The following PCTP variants were observed in gnomAD, a reference collection of about 807,000 sequenced individuals.
The protein encoded by PCTP is START domain-containing protein 2.
PCTP carries 27 observed loss-of-function variants against 31.0 expected under a neutral mutation model. That is an observed-to-expected ratio of 0.87 (90% CI 0.64 to 1.20). The LOEUF (loss-of-function observed/expected upper bound fraction) is 1.20, where lower values mean the gene tolerates loss of function less well. Ranked by LOEUF, PCTP falls within the 50% of genes most tolerant of loss-of-function variation. PCTP has a pLI of 0.00. For synonymous variants in PCTP, 108 were observed against 101.2 expected, an observed-to-expected ratio of 1.07 and a Z score of -0.40; for missense variants, 287 against 268.2, an observed-to-expected ratio of 1.07 and a Z score of -0.49.
chr17:55,850,796 CT>C, the PCTP span, among the ~76,000 whole-genome samples: 1 of 152,118 alleles, frequency 6.6e-6, no homozygotes, highest in Admixed American at 6.5e-5. Context: ...GGTAGAAAAG[CT>C]TTTAAAGATA....
At chr17:55,810,479 C>T (rs1336822422) in intron 3 of PCTP, among the ~76,000 whole-genome samples, 3 of 152,196 alleles carry the variant, frequency 2.0e-5, no homozygotes, top group Admixed American at 2.0e-4. Context: ...GGGTAGGGGG[C>T]TTGTCCCACT....
rs1376190012 is a variant in PCTP, at chr17:55,776,081, A to G, written c.626A>G (p.Asn209Ser). Residue 209 changes from asparagine to serine, a missense_variant, in exon 6 of 6, where the codon AAC becomes AGC. Transcript: ENST00000268896. ...AAAGACATGGCAAGAGCCTGTCAGA[A>G]CTACCTCAAGAAAACCTAAGAAAGA... ...FLKDMARACQNYLKKT is the reference protein window; with the variant it reads ...FLKDMARACQSYLKKT 2 of 1,614,004 alleles carry G rather than the reference A, an allele frequency of 1.2e-6. No homozygotes were observed. The highest frequency in any genetic ancestry group is 1.3e-5 in the African/African-American group (1 of 74,940).
chr17:55,845,419 C>A (rs1384708346), downstream of PCTP, among the ~76,000 whole-genome samples: 16 of 152,188 alleles, frequency 1.1e-4, no homozygotes, highest in Admixed American at 1.0e-3. Context: ...CATCCCCGTT[C>A]CCCGCGGGCT....
At chr17:55,784,618 G>A (rs1189317149) in intron 2 of PCTP, among the ~76,000 whole-genome samples, 2 of 152,128 alleles carry the variant, frequency 1.3e-5, no homozygotes, top group African/African-American at 4.8e-5. Context: ...TCATAATACA[G>A]GGAGCAGCTG....
chr17:55,821,418 T>TA (rs1321208527), intron 3 of PCTP, among the ~76,000 whole-genome samples: 2 of 152,194 alleles, frequency 1.3e-5, no homozygotes, highest in East Asian at 3.8e-4. Flanking sequence ...TTGGGGGTGA[T>TA]AAAATGTTCT....
chr17:55,839,727 C>T (rs1017996707), intron 5 of PCTP, among the ~76,000 whole-genome samples: 5 of 151,006 alleles, frequency 3.3e-5, no homozygotes, highest in East Asian at 3.9e-4. Context: ...GAGACCATCC[C>T]GGCTAAAACG....
At chr17:55,762,317 C>T (rs1910381891) in intron 1 of PCTP, among the ~76,000 whole-genome samples, 1 of 151,982 alleles carries the variant, frequency 6.6e-6, no homozygotes, top group Non-Finnish European at 1.5e-5. Flanking sequence ...ATTTATAAGA[C>T]AAAGAAAGGG....
At chr17:55,783,067 G>C (rs1222182275) in intron 2 of PCTP, among the ~76,000 whole-genome samples, 1 of 151,650 alleles carries the variant, frequency 6.6e-6, no homozygotes, top group Non-Finnish European at 1.5e-5. Flanking sequence ...CTGAAAGATA[G>C]GTCCAAAAAA....
chr17:55,759,220 T>C (rs1910211402), intron 1 of PCTP, among the ~76,000 whole-genome samples: 2 of 152,218 alleles, frequency 1.3e-5, no homozygotes, highest in South Asian at 4.1e-4. Context: ...GGTTTACTGA[T>C]GGTCCATACC....
intron 3 of PCTP, among the ~76,000 whole-genome samples, chr17:55,798,929 G>A (rs1000216279): frequency 6.6e-6 from 1 of 151,830 alleles, no homozygotes; most frequent in African/African-American, 2.4e-5. Flanking sequence ...ATAAAAGACA[G>A]CAAGGGTAAA....
In PCTP at chr17:55,793,191, C is replaced by T. The variant is rs566865577; in HGVS notation, c.317+5537C>T. Among the ~76,000 whole-genome samples, 13 of 152,174 alleles carry T rather than the reference C, an allele frequency of 8.5e-5. 1 individual carries two copies. The South Asian group carries it at 2.3e-3, about 27-fold the overall frequency. ...CTGAGTCTTAGACCCTTTTATCCTT[C>T]AGCATATGCTGAGTTTGAGTTGCTG... On this transcript the variant is annotated intron_variant, in intron 3 of 3. Coordinates refer to the PCTP transcript ENST00000572536.
In PCTP at chr17:55,751,181, C is replaced by T. The variant is rs1024802554; in HGVS notation, c.78C>T (p.Ala26=). 63 of 1,548,774 alleles carry T rather than the reference C, an allele frequency of 4.1e-5. 1 individual carries two copies. In the Middle Eastern group the frequency reaches 5.1e-4, roughly 12 times the overall value. ...ACAELQQPAL[A]GADWQLLVET... ...CCGAGCTCCAGCAGCCCGCTCTGGC[C>T]GGGGCCGACTGGCAGCTCCTAGTGG... Residue 26 remains alanine (A), a synonymous_variant, in exon 1 of 6, where the codon GCC becomes GCT. Coordinates refer to ENST00000268896, the MANE Select transcript of PCTP (RefSeq NM_021213.4).
At chr17:55,767,515 A>C in intron 2 of PCTP, 63 bp downstream of exon 2, 3 of 1,144,938 alleles carry the variant, frequency 2.6e-6, no homozygotes, top group Non-Finnish European at 3.9e-6. Context: ...CCCAGGGTGA[A>C]GTGCAAAGGT....
chr17:55,844,599 C>T (rs28427178), downstream of PCTP, among the ~76,000 whole-genome samples: 26,376 of 151,988 alleles, frequency 0.17, 4,149 homozygotes, highest in African/African-American at 0.43. Context: ...ATTCATACCG[C>T]GGACAGGCAG....
At chr17:55,769,073 C>T (rs1486985975) in intron 2 of PCTP, 1 of 152,242 alleles carries the variant, frequency 6.6e-6, no homozygotes, top group African/African-American at 2.4e-5. Context: ...CTTTCTCCAT[C>T]TGTAGACTCT....
At chr17:55,837,101 A>G (rs1190284522) in intron 5 of PCTP, among the ~76,000 whole-genome samples, 2 of 152,182 alleles carry the variant, frequency 1.3e-5, no homozygotes, top group African/African-American at 4.8e-5. Flanking sequence ...ATATCTGAGA[A>G]ATGAAAGGAT....
At chr17:55,810,880 G>A (rs750631871) in intron 3 of PCTP, among the ~76,000 whole-genome samples, 5 of 152,320 alleles carry the variant, frequency 3.3e-5, no homozygotes, top group Non-Finnish European at 5.9e-5. Context: ...ATAAAAGCAA[G>A]AATTGCTGTA....
chr17:55,754,641 C>T (rs766617145), intron 1 of PCTP, among the ~76,000 whole-genome samples: 1 of 152,156 alleles, frequency 6.6e-6, no homozygotes, highest in Non-Finnish European at 1.5e-5. Context: ...TTGGGGAAAC[C>T]CAAGAAGGCC....
At chr17:55,819,994 C>T (rs1258674741) in intron 3 of PCTP, among the ~76,000 whole-genome samples, 2 of 152,110 alleles carry the variant, frequency 1.3e-5, no homozygotes, top group South Asian at 4.1e-4. Flanking sequence ...ATTAGATCAC[C>T]TGCCACCGTA....
Sources: gnomAD v4.1 joint callset for allele counts (sites outside exome capture counted in the v4.1 genomes callset) on GRCh38, gnomAD v4.1.1 for gene constraint, MANE v1.5 for transcripts, NCBI Gene and HGNC (gene_info 2026-07-23, HGNC 2026-07-21) for gene names.